Variants in PTPRD observed in about 807,000 individuals in gnomAD.
PTPRD encodes protein tyrosine phosphatase receptor type D.
A neutral mutation model predicts 214.5 loss-of-function variants in PTPRD; 34 were observed. That is an observed-to-expected ratio of 0.16 (90% CI 0.12 to 0.21). PTPRD has a LOEUF of 0.21. Ranked by LOEUF, PTPRD falls within the 10% of genes least tolerant of loss-of-function variation. The pLI, the probability that PTPRD is intolerant of heterozygous loss-of-function variation, is 1.00. For synonymous variants in PTPRD, 1,128 were observed against 845.7 expected (o/e 1.33, Z -5.79); for missense variants, 2,545 against 2,398.7 (o/e 1.06, Z -1.27).
At chr9:9,606,189 C>A (rs538620582) in intron 7 of PTPRD, among the ~76,000 whole-genome samples, 1 of 152,074 alleles carries the variant, frequency 6.6e-6, no homozygotes, top group Non-Finnish European at 1.5e-5. Flanking sequence ...TCATTACACT[C>A]GGTCAAACTT....
chr9:10,607,643 T>G (rs1281973357), intron 2 of PTPRD, among the ~76,000 whole-genome samples: 1 of 151,918 alleles, frequency 6.6e-6, no homozygotes, highest in African/African-American at 2.4e-5. Flanking sequence ...AACTCAAATA[T>G]TCCTATCACA....
intron 5 of PTPRD, among the ~76,000 whole-genome samples, chr9:9,791,862 A>T (rs1475545295): frequency 6.6e-6 from 1 of 152,178 alleles, no homozygotes; most frequent in Non-Finnish European, 1.5e-5. Flanking sequence ...TCTTCTGGTT[A>T]TCTTGTAAGA....
intron 7 of PTPRD, among the ~76,000 whole-genome samples, chr9:9,624,570 G>A (rs1593348059): frequency 6.6e-6 from 1 of 152,192 alleles, no homozygotes; most frequent in Admixed American, 6.5e-5. Context: ...TTACAGGTAT[G>A]AGCCACTGTA....
chr9:10,517,246 AG>A (rs2050447203), intron 2 of PTPRD, among the ~76,000 whole-genome samples: 1 of 151,792 alleles, frequency 6.6e-6, no homozygotes, highest in Non-Finnish European at 1.5e-5. Flanking sequence ...TTTTTTCATC[AG>A]TGTTTTGTAT....
At chr9:8,866,000 C>A (rs932933469) in intron 11 of PTPRD, among the ~76,000 whole-genome samples, 2 of 152,138 alleles carry the variant, frequency 1.3e-5, no homozygotes, top group Non-Finnish European at 2.9e-5. Flanking sequence ...ATCCTTTATA[C>A]TTCTAACTGG....
chr9:9,222,167 T>C (rs1023108375), intron 9 of PTPRD, among the ~76,000 whole-genome samples: 9 of 152,068 alleles, frequency 5.9e-5, no homozygotes, highest in Admixed American at 1.3e-4. Flanking sequence ...GCAAAAGTAA[T>C]CTATTAATTT....
intron 11 of PTPRD, among the ~76,000 whole-genome samples, chr9:8,756,325 C>A (rs2154471687): frequency 6.6e-6 from 1 of 152,208 alleles, no homozygotes; most frequent in East Asian, 1.9e-4. Context: ...GTCCCCACCC[C>A]CGGGAGACTG....
At chr9:9,444,967 C>A (rs1286636530) in intron 8 of PTPRD, among the ~76,000 whole-genome samples, 2 of 152,202 alleles carry the variant, frequency 1.3e-5, no homozygotes, top group African/African-American at 2.4e-5. Flanking sequence ...AATTTTCTTG[C>A]TCTATTATGT....
chr9:10,308,261 G>A (rs1309625272), intron 3 of PTPRD, among the ~76,000 whole-genome samples: 1 of 151,840 alleles, frequency 6.6e-6, no homozygotes, highest in Non-Finnish European at 1.5e-5. Context: ...GATAGCATCT[G>A]GCTTCATTAT....
intron 10 of PTPRD, among the ~76,000 whole-genome samples, chr9:9,155,874 A>C (rs7021891): frequency 6.6e-5 from 10 of 151,886 alleles, no homozygotes; most frequent in African/African-American, 2.4e-4. Flanking sequence ...CATTTGCTTT[A>C]AGTACAATAA....
intron 2 of PTPRD, among the ~76,000 whole-genome samples, chr9:10,517,632 C>G (rs773305608): frequency 6.6e-6 from 1 of 151,840 alleles, no homozygotes; most frequent in African/African-American, 2.4e-5. Context: ...GTATCAATAT[C>G]TATAGTTATA....
chr9:9,855,176 A>T (rs1306426979), intron 5 of PTPRD, among the ~76,000 whole-genome samples: 1 of 152,184 alleles, frequency 6.6e-6, no homozygotes, highest in African/African-American at 2.4e-5. Context: ...CTTTTACAAG[A>T]GCAAAGGGTA....
chr9:10,472,117 T>C (rs2099034790), intron 2 of PTPRD, among the ~76,000 whole-genome samples: 1 of 152,148 alleles, frequency 6.6e-6, no homozygotes, highest in African/African-American at 2.4e-5. Context: ...TTTAAAATTA[T>C]ATGAAAATTT....
intron 5 of PTPRD, among the ~76,000 whole-genome samples, chr9:9,783,391 C>T (rs2098878830): frequency 6.6e-6 from 1 of 152,070 alleles, no homozygotes; most frequent in Non-Finnish European, 1.5e-5. Context: ...CTTCTCTTTT[C>T]AACAAAAGCT....
At chr9:9,712,327 C>T (rs1279102200) in intron 7 of PTPRD, among the ~76,000 whole-genome samples, 2 of 152,084 alleles carry the variant, frequency 1.3e-5, no homozygotes, top group African/African-American at 4.8e-5. Context: ...TCTCCTATTG[C>T]TTCAGCCTAG....
intron 35 of PTPRD, among the ~76,000 whole-genome samples, chr9:8,418,144 C>T (rs905396687): frequency 4.6e-5 from 7 of 152,092 alleles, no homozygotes; most frequent in Admixed American, 3.3e-4. Flanking sequence ...CTGTTTTCCT[C>T]TGTCCATGTC....
intron 44 of PTPRD, among the ~76,000 whole-genome samples, chr9:8,325,101 A>G (rs1031733058): frequency 6.8e-6 from 1 of 147,360 alleles, no homozygotes; most frequent in Non-Finnish European, 1.5e-5. Flanking sequence ...CTTTAGTTTA[A>G]TTAGATCCCA....
intron 9 of PTPRD, among the ~76,000 whole-genome samples, chr9:9,366,224 G>A (rs1326122009): frequency 2.6e-5 from 4 of 151,582 alleles, no homozygotes; most frequent in East Asian, 3.9e-4. Context: ...TTGCATAACC[G>A]ACTATATATA....
At chr9:8,476,475 A>G (rs1034418957) in intron 30 of PTPRD, among the ~76,000 whole-genome samples, 3 of 151,992 alleles carry the variant, frequency 2.0e-5, no homozygotes, top group Admixed American at 6.6e-5. Context: ...CTGTCATTAA[A>G]CTATCGATCA....
Sources: gnomAD v4.1 joint callset for allele counts (sites outside exome capture counted in the v4.1 genomes callset) on GRCh38, gnomAD v4.1.1 for gene constraint, MANE v1.5 for transcripts, NCBI Gene and HGNC (gene_info 2026-07-23, HGNC 2026-07-21) for gene names.